CCBE1: variants seen among roughly 807,000 people sequenced by gnomAD.
CCBE1 encodes collagen and calcium binding EGF domains 1.
In CCBE1, 37 loss-of-function variants were observed where a neutral mutation model predicts 50.0. The ratio of observed to expected loss-of-function variants is 0.74; its 90% CI spans 0.57 to 0.97. The LOEUF (loss-of-function observed/expected upper bound fraction) is 0.97, where lower values mean the gene tolerates loss of function less well. Among genes scored for constraint, CCBE1 ranks in the 50% least tolerant of loss-of-function variants. The pLI is 0.00. For missense variants in CCBE1, 538 were observed against 523.8 expected (o/e 1.03, Z -0.26); for synonymous variants, 234 against 203.7 (o/e 1.15, Z -1.27).
At chr18:59,488,144 CAA>C (rs763520896) in intron 2 of CCBE1, among the ~76,000 whole-genome samples, 7 of 152,142 alleles carry the variant, frequency 4.6e-5, no homozygotes, top group Non-Finnish European at 8.8e-5. Context: ...TATCCAAATT[CAA>C]AGAGACAGAA....
At chr18:59,686,065 G>A (rs1324054546) in intron 2 of CCBE1, 2 of 152,208 alleles carry the variant, frequency 1.3e-5, no homozygotes, top group Non-Finnish European at 2.9e-5. Context: ...TTTAGATAAA[G>A]CTTAATCTCC....
intron 2 of CCBE1, among the ~76,000 whole-genome samples, chr18:59,678,598 T>A (rs1164943772): frequency 6.6e-6 from 1 of 152,170 alleles, no homozygotes; most frequent in Non-Finnish European, 1.5e-5. Context: ...AGTGGTGTGA[T>A]CTCCGCTCAG....
chr18:59,694,460 C>T lies in CCBE1; in HGVS notation c.212+2169G>A, dbSNP rs530094444. ...TGGTCAACTGAAAGGCCTCCATGCT[C>T]CTTTAAGGATCTGTCTAAATAGGTC... On this transcript the variant is annotated intron_variant, in intron 2 of 10. Coordinates refer to ENST00000439986, the MANE Select transcript of CCBE1 (RefSeq NM_133459.4). 3.9e-4 allele frequency among the ~76,000 whole-genome samples: 60 copies of T among 152,198 alleles called. 2 individuals are homozygous for T. In the South Asian group the frequency reaches 0.012, roughly 31 times the overall value.
At chr18:59,683,067 T>C (rs1248900853) in intron 2 of CCBE1, among the ~76,000 whole-genome samples, 1 of 152,218 alleles carries the variant, frequency 6.6e-6, no homozygotes, top group Admixed American at 6.5e-5. Context: ...AAAAGTGATA[T>C]ATATTTTCAT....
chr18:59,688,981 T>G (rs2054693742), intron 2 of CCBE1, among the ~76,000 whole-genome samples: 1 of 152,196 alleles, frequency 6.6e-6, no homozygotes, highest in Admixed American at 6.5e-5. Flanking sequence ...GAGTCAAGTT[T>G]TCTTTTGTAA....
chr18:59,538,325 T>C (rs1915332606), intron 2 of CCBE1, among the ~76,000 whole-genome samples: 1 of 152,222 alleles, frequency 6.6e-6, no homozygotes, highest in Admixed American at 6.5e-5. Flanking sequence ...AATTTCCATT[T>C]CTAAATGTCT....
chr18:59,613,500 G>A (rs148182606), intron 2 of CCBE1, among the ~76,000 whole-genome samples: 186 of 152,074 alleles, frequency 1.2e-3, no homozygotes, highest in African/African-American at 4.3e-3. Context: ...TTATTTTAAG[G>A]GAAACTTACA....
At chr18:59,536,006 G>A (rs75178529) in intron 2 of CCBE1, among the ~76,000 whole-genome samples, 2 of 152,152 alleles carry the variant, frequency 1.3e-5, no homozygotes, top group South Asian at 2.1e-4. Flanking sequence ...ATTCTATGAG[G>A]AGGAGAAAGA....
intron 2 of CCBE1, among the ~76,000 whole-genome samples, chr18:59,520,296 C>T (rs1914542819): frequency 6.6e-6 from 1 of 152,220 alleles, no homozygotes. Flanking sequence ...TTGATTCTTC[C>T]TATCCATGAG....
intron 2 of CCBE1, among the ~76,000 whole-genome samples, chr18:59,496,222 A>G (rs1011552292): frequency 2.6e-5 from 4 of 152,162 alleles, no homozygotes; most frequent in Non-Finnish European, 4.4e-5. Flanking sequence ...GATGTCTACC[A>G]TTGTACATCC....
chr18:59,682,541 C>G (rs964952370), intron 2 of CCBE1, among the ~76,000 whole-genome samples: 16 of 152,312 alleles, frequency 1.1e-4, no homozygotes, highest in African/African-American at 2.6e-4. Flanking sequence ...TTAGAGAACT[C>G]TCCAGTGAAC....
chr18:59,458,309 A>G (rs920689609), intron 5 of CCBE1, among the ~76,000 whole-genome samples: 1 of 152,248 alleles, frequency 6.6e-6, no homozygotes, highest in Admixed American at 6.5e-5. Flanking sequence ...TCAGGCACTG[A>G]GAATGCAAAG....
intron 2 of CCBE1, among the ~76,000 whole-genome samples, chr18:59,682,170 T>TGGC (rs2054598725): frequency 6.6e-6 from 1 of 152,214 alleles, no homozygotes; most frequent in Non-Finnish European, 1.5e-5. Context: ...GAGACCATCC[T>TGGC]GGCCAACATG....
intron 2 of CCBE1, among the ~76,000 whole-genome samples, chr18:59,555,944 C>G (rs1036145927): frequency 2.0e-4 from 31 of 152,138 alleles, no homozygotes; most frequent in Non-Finnish European, 2.2e-4. Context: ...CAGAAAGTGC[C>G]GGAGGGAAGC....
intron 2 of CCBE1, among the ~76,000 whole-genome samples, chr18:59,481,213 A>G (rs1047630176): frequency 6.6e-5 from 10 of 152,350 alleles, no homozygotes; most frequent in South Asian, 4.1e-4. Context: ...GGATGTGCTT[A>G]GCAGAAGAAT....
intron 2 of CCBE1, among the ~76,000 whole-genome samples, chr18:59,634,467 C>T (rs1034738713): frequency 3.3e-5 from 5 of 152,154 alleles, no homozygotes; most frequent in South Asian, 2.1e-4. Flanking sequence ...ACAAGTGTCC[C>T]GTGGAGGCCT....
intron 2 of CCBE1, among the ~76,000 whole-genome samples, chr18:59,639,866 C>T (rs2053962561): frequency 6.6e-6 from 1 of 151,992 alleles, no homozygotes; most frequent in Non-Finnish European, 1.5e-5. Flanking sequence ...AGCCAAGGGG[C>T]CAAATAAAGA....
intron 2 of CCBE1, among the ~76,000 whole-genome samples, chr18:59,625,999 C>T (rs1228448108): frequency 6.6e-6 from 1 of 152,134 alleles, no homozygotes; most frequent in Non-Finnish European, 1.5e-5. Flanking sequence ...TTTTAAATTA[C>T]CCAGTCTCAA....
At chr18:59,564,151 T>C (rs2052782798) in intron 2 of CCBE1, 1 of 152,214 alleles carries the variant, frequency 6.6e-6, no homozygotes, top group Non-Finnish European at 1.5e-5. Flanking sequence ...CCTGATTTCC[T>C]CTTAACTCTA....
Sources: allele counts gnomAD v4.1 joint callset (sites outside exome capture counted in the v4.1 genomes callset), GRCh38; gene constraint gnomAD v4.1.1; transcripts MANE v1.5; gene names NCBI Gene and HGNC (gene_info 2026-07-23, HGNC 2026-07-21).